Variants in MAPK9 observed in about 807,000 individuals in gnomAD.
MAPK9 encodes the protein Jun kinase.
In MAPK9, 30 loss-of-function variants were observed where a neutral mutation model predicts 57.1. That is an observed-to-expected ratio of 0.53 (90% CI 0.39 to 0.71). The LOEUF is 0.71. Among genes scored for constraint, MAPK9 ranks in the 30% least tolerant of loss-of-function variants. The pLI, the probability that MAPK9 is intolerant of heterozygous loss-of-function variation, is 0.00. For missense variants in MAPK9, 362 were observed against 521.0 expected, an observed-to-expected ratio of 0.69 and a Z score of 2.97; for synonymous variants, 155 against 177.0, an observed-to-expected ratio of 0.88 and a Z score of 0.99.
At chr5:180,252,754 T>C (rs1039378011) in intron 5 of MAPK9, among the ~76,000 whole-genome samples, 1 of 151,730 alleles carries the variant, frequency 6.6e-6, no homozygotes, top group Non-Finnish European at 1.5e-5. Flanking sequence ...GGCTCAGGAA[T>C]GAAGGCCTGG....
In MAPK9 at chr5:180,249,028, C is replaced by T; in HGVS notation, c.561G>A (p.Val187=). 6.2e-7 allele frequency: 1 copy of T among 1,613,788 alleles called. No individual in the cohort carries two copies. The highest frequency in any genetic ancestry group is 8.5e-7 in the Non-Finnish European group (1 of 1,179,856). ...CTNFMMTPYV[V]TRYYRAPEVI... Reference sequence around the variant, plus strand: ...CTTCGGGCGCCCGGTAGTACCGTGTCACCACGTAAGGGGTCATCATGAAGT... The same window carrying T: ...CTTCGGGCGCCCGGTAGTACCGTGTTACCACGTAAGGGGTCATCATGAAGT... The change falls in exon 6 of 12, where the codon GTG becomes GTA. Residue 187 remains valine (V), a synonymous_variant. Transcript: ENST00000452135.
intron 1 of MAPK9, among the ~76,000 whole-genome samples, chr5:180,286,148 CTTTTTT>C (rs554112535): frequency 9.0e-6 from 1 of 111,590 alleles, no homozygotes; most frequent in African/African-American, 3.5e-5. Flanking sequence ...TCTTTCTTTT[CTTTTTT>C]TTTTTTTTTG....
At chr5:180,260,473 A>C (rs1347257950) in intron 5 of MAPK9, among the ~76,000 whole-genome samples, 2 of 152,220 alleles carry the variant, frequency 1.3e-5, no homozygotes, top group East Asian at 1.9e-4. Context: ...ACATGAATGA[A>C]ATGTTATACA....
chr5:180,256,514 G>A (rs1561805661), intron 5 of MAPK9, among the ~76,000 whole-genome samples: 1 of 152,170 alleles, frequency 6.6e-6, no homozygotes. Flanking sequence ...ACACAGATGT[G>A]GGGAGAGCCT....
At chr5:180,249,207 A>T in intron 5 of MAPK9, 69 bp from the exon 6 acceptor site, 1 of 1,427,936 alleles carries the variant, frequency 7.0e-7, no homozygotes. Flanking sequence ...CACATCCGTG[A>T]GGGTCGTGAA....
intron 7 of MAPK9, among the ~76,000 whole-genome samples, chr5:180,243,940 C>T (rs565113832): frequency 5.1e-4 from 77 of 152,132 alleles, no homozygotes; most frequent in African/African-American, 1.1e-3. Flanking sequence ...CTCCACCTCC[C>T]GGGCTCAAGT....
intron 5 of MAPK9, among the ~76,000 whole-genome samples, chr5:180,261,186 C>T (rs1759914483): frequency 6.6e-6 from 1 of 152,182 alleles, no homozygotes; most frequent in Non-Finnish European, 1.5e-5. Context: ...TGCAGGGAAG[C>T]TGGCACGGCA....
intron 2 of MAPK9, among the ~76,000 whole-genome samples, chr5:180,272,404 T>C (rs1460478679): frequency 1.3e-5 from 2 of 152,248 alleles, no homozygotes; most frequent in Admixed American, 1.3e-4. Flanking sequence ...TGCCCGATAC[T>C]GTACTGATTC....
intron 3 of MAPK9, 84 bp from the exon 4 acceptor site, chr5:180,264,923 C>A (rs34946783): frequency 8.8e-7 from 1 of 1,131,528 alleles, no homozygotes; most frequent in Non-Finnish European, 1.2e-6. Context: ...TGCATTAAGA[C>A]GGGAAAAAAA....
In MAPK9 at chr5:180,276,589, C is replaced by T. The variant is rs574594712; in HGVS notation, c.122+3851G>A. Among the ~76,000 whole-genome samples, 9 of 152,346 alleles carry T rather than the reference C, an allele frequency of 5.9e-5. No homozygotes were observed. In the East Asian group the frequency reaches 1.2e-3, roughly 20 times the overall value. ...ACTTATTTTAGGCCAGGCGCGGTGG[C>T]TCATGCCTGCAATCCCAGCACTTTG... On this transcript the variant is annotated intron_variant, in intron 2 of 11. Transcript: ENST00000452135.
chr5:180,251,012 T>C (rs1758627731), intron 5 of MAPK9, among the ~76,000 whole-genome samples: 1 of 152,262 alleles, frequency 6.6e-6, no homozygotes, highest in Admixed American at 6.5e-5. Context: ...ACAGGCATTT[T>C]AGAACATAAA....
chr5:180,269,956 A>G (rs906396715), intron 2 of MAPK9, among the ~76,000 whole-genome samples: 2 of 152,230 alleles, frequency 1.3e-5, no homozygotes, highest in South Asian at 4.1e-4. Context: ...CTCTAACGTA[A>G]GCAACTGCTA....
In MAPK9 at chr5:180,286,207, A is replaced by G. The variant is rs370118256; in HGVS notation, c.-47-5599T>C. Among the ~76,000 whole-genome samples, 133 of 124,862 alleles carry G rather than the reference A, an allele frequency of 1.1e-3. 1 individual carries two copies. Among genetic ancestry groups the G allele is most frequent in the African/African-American group, 3.4e-3 (110 of 31,996 alleles). The allele number at this position is 124,862 out of a possible 152,430, so 81.9% of individuals were successfully genotyped here. On this transcript the variant is annotated intron_variant, in intron 1 of 11. Transcript: ENST00000452135. ...GTCGCCCAGGCTGGAGTGCAGTGGC[A>G]TGATCTCGGCTCACTGCAAGCTCCG... is the stretch of plus-strand genomic sequence containing the variant.
At chr5:180,285,451 C>T (rs6887544) in intron 1 of MAPK9, among the ~76,000 whole-genome samples, 7,886 of 152,236 alleles carry the variant, frequency 0.052, 535 homozygotes, top group African/African-American at 0.16. Flanking sequence ...ACACTTTTTC[C>T]TCTAACGATG....
chr5:180,285,807 G>A (rs549255685), intron 1 of MAPK9, among the ~76,000 whole-genome samples: 41 of 151,892 alleles, frequency 2.7e-4, no homozygotes, highest in Non-Finnish European at 4.7e-4. Flanking sequence ...GGCCGGGTGC[G>A]GTGGCTCACA....
chr5:180,267,693 C>T (rs1392491852), intron 3 of MAPK9, among the ~76,000 whole-genome samples: 1 of 151,926 alleles, frequency 6.6e-6, no homozygotes, highest in East Asian at 1.9e-4. Flanking sequence ...GGTAAGACCC[C>T]ACCTCTACAA....
intron 5 of MAPK9, among the ~76,000 whole-genome samples, chr5:180,261,238 A>C (rs945747016): frequency 4.6e-5 from 7 of 152,208 alleles, no homozygotes; most frequent in African/African-American, 1.7e-4. Context: ...GTCATTATTT[A>C]AGAAAGAGAG....
At position 180,236,356 on chromosome 5, in the gene MAPK9, T is replaced by C; in HGVS notation, c.*28A>G. Reference sequence around the variant, plus strand: ...CCCACGGAGGTGAGAGTTCCTTCAATGCTGACAGGTTTGCTATTTCTAACC... The same window carrying C: ...CCCACGGAGGTGAGAGTTCCTTCAACGCTGACAGGTTTGCTATTTCTAACC... On this transcript the variant is annotated 3_prime_UTR_variant, in exon 12 of 12. Transcript: ENST00000452135. 2.5e-6 allele frequency: 4 copies of C among 1,582,892 alleles called. No individual in the cohort carries two copies. The highest frequency in any genetic ancestry group is 3.4e-4 in the Middle Eastern group (2 of 5,874).
At chr5:180,290,039 G>T (rs1352576170) in intron 1 of MAPK9, among the ~76,000 whole-genome samples, 1 of 15,426 alleles carries the variant, frequency 6.5e-5, no homozygotes, top group African/African-American at 8.4e-4. Flanking sequence ...AAAATTTTTT[G>T]TAGAGACAGA....
Sources: gnomAD v4.1 joint callset for allele counts (sites outside exome capture counted in the v4.1 genomes callset) on GRCh38, gnomAD v4.1.1 for gene constraint, MANE v1.5 for transcripts, NCBI Gene and HGNC (gene_info 2026-07-23, HGNC 2026-07-21) for gene names.